The following CMTM4 variants were observed in gnomAD, a reference collection of about 807,000 sequenced individuals.
The protein encoded by CMTM4 is CKLF-like MARVEL transmembrane domain-containing protein 4.
A neutral mutation model predicts 19.0 loss-of-function variants in CMTM4; 8 were observed. That is an observed-to-expected ratio of 0.42 (90% CI 0.25 to 0.76). The LOEUF (loss-of-function observed/expected upper bound fraction) is 0.76. Ranked by LOEUF, CMTM4 falls within the 30% of genes least tolerant of loss-of-function variation. CMTM4 has a pLI of 0.27. For missense variants in CMTM4, 228 were observed against 290.2 expected, an observed-to-expected ratio of 0.79 and a Z score of 1.56; for synonymous variants, 106 against 121.1, an observed-to-expected ratio of 0.88 and a Z score of 0.82.
At chr16:66,606,719 G>A in the CMTM4 span, among the ~76,000 whole-genome samples, 3 of 152,206 alleles carry the variant, frequency 2.0e-5, no homozygotes, top group Admixed American at 6.5e-5. Flanking sequence ...TGGGCCGGGC[G>A]TGGTGGCTCA....
chr16:66,601,755 G>A, the CMTM4 span, among the ~76,000 whole-genome samples: 1 of 152,214 alleles, frequency 6.6e-6, no homozygotes. Flanking sequence ...CAGGCAGCAG[G>A]AGAAGGCACT....
chr16:66,672,889 G>A (rs1479976204), intron 1 of CMTM4, among the ~76,000 whole-genome samples: 2 of 144,318 alleles, frequency 1.4e-5, no homozygotes, highest in East Asian at 4.2e-4. Flanking sequence ...GCCTCCCAAA[G>A]TGCTGGGATC....
chr16:66,672,141 G>A (rs1363345379), intron 1 of CMTM4, among the ~76,000 whole-genome samples: 6 of 152,134 alleles, frequency 3.9e-5, no homozygotes, highest in Non-Finnish European at 5.9e-5. Context: ...GCCGGGCACA[G>A]TGCCTCATGC....
intron 1 of CMTM4, among the ~76,000 whole-genome samples, chr16:66,677,027 G>A (rs925516560): frequency 6.6e-6 from 1 of 152,094 alleles, no homozygotes; most frequent in African/African-American, 2.4e-5. Flanking sequence ...GGCAGCTTGA[G>A]CCCAGGAGTT....
At chr16:66,611,539 C>G (rs1354629608), downstream of CMTM4, among the ~76,000 whole-genome samples, 2 of 152,246 alleles carry the variant, frequency 1.3e-5, no homozygotes, top group East Asian at 3.9e-4. Flanking sequence ...GGTTTAGGGA[C>G]TAGGCTGCCC....
chr16:66,667,549 C>T (rs898240132), intron 1 of CMTM4, among the ~76,000 whole-genome samples: 18 of 152,168 alleles, frequency 1.2e-4, no homozygotes, highest in African/African-American at 4.3e-4. Context: ...TATCAGCTTC[C>T]CTTACATTAC....
At position 66,696,007 on chromosome 16, in the gene CMTM4, C is replaced by T. The variant is rs2017226428; in HGVS notation, c.186+333G>A. Among the ~76,000 whole-genome samples the T allele has an allele frequency of 6.6e-6, 1 of 152,236 alleles. No homozygotes were observed. The highest frequency in any genetic ancestry group is 1.5e-5 in the Non-Finnish European group (1 of 68,048). On this transcript the variant is annotated intron_variant, in intron 1 of 3. Coordinates refer to ENST00000394106, the MANE Select transcript of CMTM4 (RefSeq NM_181521.3). This position sits in a 1 kb window ranked among gnomAD's most constrained non-coding sequence, Gnocchi z 4.3. ...ACAGGTTGCTAAGACCAGCTGTACC[C>T]AGGAGACAGCAGGATTCCCAGCAGC...
Position 66,621,236 on chromosome 16 carries a change from G to C in CMTM4, c.*822C>G. Reference sequence around the variant, plus strand: ...TGCGGTTCATGAAGCCAGCAAATGGGCAAGTGCTTTGGCTGGTGGAGTAGG... The same window carrying C: ...TGCGGTTCATGAAGCCAGCAAATGGCCAAGTGCTTTGGCTGGTGGAGTAGG... On this transcript the variant is annotated 3_prime_UTR_variant, in exon 4 of 4. Transcript: ENST00000394106. The C allele has an allele frequency of 3.0e-6, 3 of 985,468 alleles. 1 individual carries two copies. Among genetic ancestry groups the C allele is most frequent in the Non-Finnish European group, 3.6e-6 (3 of 829,950 alleles). 61.0% of individuals were successfully genotyped at this position (985,468 alleles called of 1,614,324 possible).
chr16:66,669,708 A>AC (rs980477513), intron 1 of CMTM4, among the ~76,000 whole-genome samples: 1 of 151,128 alleles, frequency 6.6e-6, no homozygotes, highest in Non-Finnish European at 1.5e-5. Flanking sequence ...TGCCTGGCTA[A>AC]TTTTTTTTTG....
intron 1 of CMTM4, among the ~76,000 whole-genome samples, chr16:66,656,536 T>A (rs943766654): frequency 6.6e-6 from 1 of 152,054 alleles, no homozygotes; most frequent in Non-Finnish European, 1.5e-5. Context: ...GCTAATTTTT[T>A]AATTTTTTGT....
intron 1 of CMTM4, among the ~76,000 whole-genome samples, chr16:66,683,160 CGTATATATATATATACATAT>C (rs1567432109): frequency 2.6e-5 from 2 of 75,548 alleles, no homozygotes; most frequent in African/African-American, 5.0e-5. Context: ...TATATATATA[CGTATATATATATATACATAT>C]GTATATATAT....
chr16:66,645,877 G>C (rs892825658), intron 1 of CMTM4, among the ~76,000 whole-genome samples: 2 of 152,044 alleles, frequency 1.3e-5, no homozygotes, highest in Non-Finnish European at 2.9e-5. Flanking sequence ...TACTCGGGAG[G>C]CTGAGGCAGG....
chr16:66,604,990 T>C, the CMTM4 span: 2 of 1,426,542 alleles, frequency 1.4e-6, no homozygotes, highest in Non-Finnish European at 1.8e-6. Flanking sequence ...CCGCTAGGAC[T>C]GCGCGGCTCC....
At chr16:66,633,274 C>T (rs909026796) in intron 2 of CMTM4, among the ~76,000 whole-genome samples, 4 of 151,654 alleles carry the variant, frequency 2.6e-5, no homozygotes, top group Admixed American at 1.3e-4. Context: ...CATTTCTCAT[C>T]CATATTTATG....
At chr16:66,625,824 C>G (rs1596905060) in intron 2 of CMTM4, among the ~76,000 whole-genome samples, 1 of 152,174 alleles carries the variant, frequency 6.6e-6, no homozygotes, top group Non-Finnish European at 1.5e-5. Context: ...CAAACACTAG[C>G]CATATGTGAC....
chr16:66,621,847 T>A lies in CMTM4; in HGVS notation c.*211A>T. ...GGACCTGGGCAGTGACGCCGGCTGC[T>A]CCACAGCCCCAAACGCTGAGGAACG... On this transcript the variant is annotated 3_prime_UTR_variant, in exon 4 of 4. Coordinates refer to ENST00000394106, the MANE Select transcript of CMTM4 (RefSeq NM_181521.3). The A allele has an allele frequency of 7.2e-7, 1 of 1,396,214 alleles. No homozygotes were observed. 86.5% of individuals were successfully genotyped at this position (1,396,214 alleles called of 1,614,324 possible). A position where few individuals can be genotyped will look rare whatever the true frequency, so the allele number is the denominator to read the frequency against.
Position 66,670,007 on chromosome 16 carries a change from C to A in CMTM4, c.186+26333G>T, listed in dbSNP as rs145284323. ...TCAATTTTGCCACTTAATCATGAAA[C>A]AAAAATAATGTAAAGAAGGAAACAA... On this transcript the variant is annotated intron_variant, in intron 1 of 3. Coordinates refer to ENST00000394106, the MANE Select transcript of CMTM4 (RefSeq NM_181521.3). 6.4e-4 allele frequency among the ~76,000 whole-genome samples: 98 copies of A among 152,100 alleles called. 1 individual carries two copies. Among genetic ancestry groups the A allele is most frequent in the African/African-American group, 2.2e-3 (90 of 41,500 alleles).
In CMTM4 at chr16:66,622,266, G is replaced by GCC; in HGVS notation, c.463-46_463-45dup. On this transcript the variant is annotated intron_variant, in intron 3 of 3. Transcript: ENST00000394106. The surrounding 1 kb of genome is among the most constrained non-coding windows in gnomAD (Gnocchi z 4.0). ...AGTTAGTCCTCGGGCACGTGGCCTG[G>GCC]CCCCTCAAGGCTTCTGTGGTGACCC... is the stretch of plus-strand genomic sequence containing the variant. The GCC allele has an allele frequency of 6.3e-7, 1 of 1,596,722 alleles. No homozygotes were observed. The highest frequency in any genetic ancestry group is 8.5e-7 in the Non-Finnish European group (1 of 1,171,518).
At chr16:66,631,580 G>A (rs879250164) in intron 2 of CMTM4, among the ~76,000 whole-genome samples, 52 of 152,302 alleles carry the variant, frequency 3.4e-4, no homozygotes, top group African/African-American at 1.2e-3. Context: ...ATTTTGTTCT[G>A]TACTAAGAAA....
Sources: allele counts gnomAD v4.1 joint callset (sites outside exome capture counted in the v4.1 genomes callset), GRCh38; gene constraint gnomAD v4.1.1; non-coding constraint Gnocchi (gnomAD v3.1); transcripts MANE v1.5; gene names NCBI Gene and HGNC (gene_info 2026-07-23, HGNC 2026-07-21).